The following ZNF148 variants were observed in gnomAD, a reference collection of about 807,000 sequenced individuals.
ZNF148 encodes the protein zinc finger protein 148.
A neutral mutation model predicts 67.7 loss-of-function variants in ZNF148; 7 were observed. That is an observed-to-expected ratio of 0.10 (90% CI 0.06 to 0.19). The LOEUF is 0.19. Among genes scored for constraint, ZNF148 ranks in the 10% least tolerant of loss-of-function variants. The pLI is 1.00. For synonymous variants in ZNF148, 333 were observed against 330.7 expected (o/e 1.01, Z -0.08); for missense variants, 583 against 947.1 (o/e 0.62, Z 5.05).
At chr3:125,288,906 T>C (rs1938856401) in intron 4 of ZNF148, among the ~76,000 whole-genome samples, 1 of 152,172 alleles carries the variant, frequency 6.6e-6, no homozygotes, top group Non-Finnish European at 1.5e-5. Context: ...AGAGAAATAC[T>C]AGAAGAAACA....
intron 3 of ZNF148, among the ~76,000 whole-genome samples, chr3:125,319,278 CAG>C (rs1197476313): frequency 6.6e-6 from 1 of 152,078 alleles, no homozygotes; most frequent in Non-Finnish European, 1.5e-5. Flanking sequence ...TAAGTTGAAA[CAG>C]AGTAAACAGT....
Position 125,362,544 on chromosome 3 carries a change from T to TTTTTTG in ZNF148, c.-234+12552_-234+12557dup, listed in dbSNP as rs1014323457. Reference sequence around the variant, plus strand: ...GATCCCCCACCAAAGTCCTTACCCTTTTTTTGTTTTTGTTTTTGTTTTTTT... The same window carrying TTTTTTG: ...GATCCCCCACCAAAGTCCTTACCCTTTTTTTGTTTTTGTTTTTGTTTTTGTTTTTTT... On this transcript the variant is annotated intron_variant, in intron 1 of 8. Coordinates refer to ENST00000360647, the MANE Select transcript of ZNF148 (RefSeq NM_021964.3). Among the ~76,000 whole-genome samples, 9 of 141,588 alleles carry TTTTTTG rather than the reference T, an allele frequency of 6.4e-5. No individual in the cohort carries two copies. In the South Asian group the frequency reaches 1.1e-3, roughly 18 times the overall value. 92.9% of individuals were successfully genotyped at this position (141,588 alleles called of 152,430 possible).
At chr3:125,331,059 A>C in intron 2 of ZNF148, 99 bp downstream of exon 2, 1 of 398,010 alleles carries the variant, frequency 2.5e-6, no homozygotes, top group African/African-American at 2.1e-5. Context: ...TTGGCCATAA[A>C]TGCACACTTA....
intron 4 of ZNF148, among the ~76,000 whole-genome samples, chr3:125,308,091 A>G (rs541543874): frequency 2.0e-5 from 3 of 152,218 alleles, no homozygotes; most frequent in African/African-American, 2.4e-5. Context: ...AAAAGAAATA[A>G]AAGAGATACA....
intron 4 of ZNF148, among the ~76,000 whole-genome samples, chr3:125,291,358 G>A (rs1263254817): frequency 6.6e-6 from 1 of 152,058 alleles, no homozygotes; most frequent in African/African-American, 2.4e-5. Flanking sequence ...CAGCTCCCCA[G>A]CTCAGCTTTC....
chr3:125,346,876 A>C (rs1941964162), intron 1 of ZNF148, among the ~76,000 whole-genome samples: 1 of 152,144 alleles, frequency 6.6e-6, no homozygotes, highest in Non-Finnish European at 1.5e-5. Context: ...CAGTAAATTA[A>C]GCAAAAAACT....
chr3:125,288,807 A>C (rs1938848974), intron 4 of ZNF148, among the ~76,000 whole-genome samples: 1 of 152,160 alleles, frequency 6.6e-6, no homozygotes, highest in Admixed American at 6.6e-5. Context: ...CCTGGGCTCT[A>C]CAACAGACCA....
intron 1 of ZNF148, among the ~76,000 whole-genome samples, chr3:125,339,480 A>G (rs1941627041): frequency 6.6e-6 from 1 of 152,254 alleles, no homozygotes; most frequent in Non-Finnish European, 1.5e-5. Flanking sequence ...ACTAAATAAC[A>G]AAATTCTGTT....
intron 4 of ZNF148, among the ~76,000 whole-genome samples, chr3:125,297,279 C>G (rs1939336333): frequency 6.6e-6 from 1 of 152,084 alleles, no homozygotes. Flanking sequence ...ATTCACATCA[C>G]CAGCAAAAAT....
intron 5 of ZNF148, among the ~76,000 whole-genome samples, chr3:125,283,704 T>C (rs1397006192): frequency 6.6e-6 from 1 of 152,176 alleles, no homozygotes; most frequent in African/African-American, 2.4e-5. Context: ...CAAGGTAACA[T>C]GTAGAAGAAA....
chr3:125,303,987 A>G (rs1162729007), intron 4 of ZNF148, among the ~76,000 whole-genome samples: 1 of 151,934 alleles, frequency 6.6e-6, no homozygotes, highest in African/African-American at 2.4e-5. Context: ...TCTTCTCTGT[A>G]CCATTTTTGC....
chr3:125,234,334 C>T lies in ZNF148; in HGVS notation c.668-5G>A, dbSNP rs111421910. ...CACAGCGAAATGGTTTTTCACCTAG[C>T]ACATAATATAGAAAGTTTAAAACAA... On this transcript the variant is annotated splice_polypyrimidine_tract_variant and splice_region_variant and intron_variant, in intron 7 of 8. Coordinates refer to ENST00000360647, the MANE Select transcript of ZNF148 (RefSeq NM_021964.3). The T allele has an allele frequency of 3.3e-5, 52 of 1,562,768 alleles. 1 individual carries two copies. The highest frequency in any genetic ancestry group is 2.0e-4 in the African/African-American group (15 of 73,836).
At chr3:125,336,714 G>A (rs1481916670) in intron 1 of ZNF148, among the ~76,000 whole-genome samples, 1 of 97,398 alleles carries the variant, frequency 1.0e-5, no homozygotes, top group Non-Finnish European at 1.9e-5. Context: ...GTCTTGCTCT[G>A]TCACCAGGCT....
At position 125,238,046 on chromosome 3, in the gene ZNF148, C is replaced by G. The variant is rs180860570; in HGVS notation, c.668-3717G>C. On this transcript the variant is annotated intron_variant, in intron 7 of 8. Transcript: ENST00000360647. Reference sequence around the variant, plus strand: ...GGTAATGGGGAAAGAATAGTCTTTTCAACAAATTTGATACCCACATACAAA... The same window carrying G: ...GGTAATGGGGAAAGAATAGTCTTTTGAACAAATTTGATACCCACATACAAA... 2.0e-5 allele frequency among the ~76,000 whole-genome samples: 3 copies of G among 152,168 alleles called. No homozygotes were observed. The East Asian group carries it at 5.8e-4, about 29-fold the overall frequency.
chr3:125,368,525 T>C (rs930236160), intron 1 of ZNF148, among the ~76,000 whole-genome samples: 1 of 152,258 alleles, frequency 6.6e-6, no homozygotes, highest in Non-Finnish European at 1.5e-5. Context: ...AAGGCAAAAC[T>C]ATTTTTCATT....
At chr3:125,302,910 CAAATGTT>C (rs1463894690) in intron 4 of ZNF148, among the ~76,000 whole-genome samples, 2 of 152,166 alleles carry the variant, frequency 1.3e-5, no homozygotes, top group African/African-American at 4.8e-5. Flanking sequence ...AACCTGCACA[CAAATGTT>C]AATAGCAGCT....
At chr3:125,249,684 T>TCC (rs1336725497) in intron 7 of ZNF148, among the ~76,000 whole-genome samples, 2 of 152,138 alleles carry the variant, frequency 1.3e-5, no homozygotes, top group African/African-American at 4.8e-5. Flanking sequence ...TGGCTATATA[T>TCC]CCAAAGGAAC....
chr3:125,299,386 C>T (rs994127695), intron 4 of ZNF148, among the ~76,000 whole-genome samples: 2 of 152,076 alleles, frequency 1.3e-5, no homozygotes, highest in East Asian at 1.9e-4. Flanking sequence ...AGCTGGAAAC[C>T]GGCTGTGGTG....
intron 1 of ZNF148, among the ~76,000 whole-genome samples, chr3:125,334,817 A>T (rs1941425956): frequency 1.3e-5 from 2 of 151,840 alleles, no homozygotes; most frequent in Non-Finnish European, 2.9e-5. Context: ...ACCCACCCTC[A>T]TCTTTCAGAC....
Sources: allele counts gnomAD v4.1 joint callset (sites outside exome capture counted in the v4.1 genomes callset), GRCh38; gene constraint gnomAD v4.1.1; transcripts MANE v1.5; gene names NCBI Gene and HGNC (gene_info 2026-07-23, HGNC 2026-07-21).